The following ADARB2 variants were observed in gnomAD, a reference collection of about 807,000 sequenced individuals.
ADARB2 encodes inactive double-stranded RNA-specific editase B2.
A neutral mutation model predicts 62.2 loss-of-function variants in ADARB2; 25 were observed. The ratio of observed to expected loss-of-function variants is 0.40; its 90% confidence interval spans 0.29 to 0.56. The LOEUF (loss-of-function observed/expected upper bound fraction) is 0.56, where lower values mean the gene tolerates loss of function less well. Among genes scored for constraint, ADARB2 ranks in the 20% least tolerant of loss-of-function variants. ADARB2 has a pLI of 0.43. For synonymous variants in ADARB2, 572 were observed against 500.8 expected (o/e 1.14, Z -1.90); for missense variants, 1,071 against 1,077.4 (o/e 0.99, Z 0.08).
chr10:1,429,977 G>C (rs1830763574), intron 1 of ADARB2, among the ~76,000 whole-genome samples: 1 of 152,066 alleles, frequency 6.6e-6, no homozygotes, highest in Non-Finnish European at 1.5e-5. Flanking sequence ...AATAACAGAA[G>C]AAGGCTTAGG....
At chr10:1,475,135 G>A (rs928326478) in intron 1 of ADARB2, among the ~76,000 whole-genome samples, 12 of 152,302 alleles carry the variant, frequency 7.9e-5, no homozygotes, top group African/African-American at 2.9e-4. Flanking sequence ...TCAGTCAGCA[G>A]GAGGACCCCC....
chr10:1,579,550 T>C (rs2813382), intron 1 of ADARB2, among the ~76,000 whole-genome samples: 4 of 152,070 alleles, frequency 2.6e-5, no homozygotes, highest in Non-Finnish European at 5.9e-5. Context: ...AGTCAAGGGG[T>C]GGAAGGGACT....
chr10:1,431,341 T>C (rs914171096), intron 1 of ADARB2, among the ~76,000 whole-genome samples: 6 of 152,174 alleles, frequency 3.9e-5, no homozygotes, highest in African/African-American at 1.4e-4. Context: ...ATAACCCATG[T>C]ATCAGAGAAA....
intron 3 of ADARB2, among the ~76,000 whole-genome samples, chr10:1,356,043 G>A (rs1832192095): frequency 6.6e-6 from 1 of 152,162 alleles, no homozygotes; most frequent in Non-Finnish European, 1.5e-5. Flanking sequence ...GCCTCATTAA[G>A]GAAGGATTTT....
chr10:1,342,421 A>G (rs2131839622), intron 3 of ADARB2, among the ~76,000 whole-genome samples: 1 of 152,316 alleles, frequency 6.6e-6, no homozygotes, highest in South Asian at 2.1e-4. Flanking sequence ...ACATTACAGC[A>G]TCGAGAAACA....
intron 1 of ADARB2, among the ~76,000 whole-genome samples, chr10:1,513,198 T>C (rs1307323876): frequency 1.3e-5 from 2 of 152,196 alleles, no homozygotes; most frequent in East Asian, 3.9e-4. Context: ...ATATATACAA[T>C]AACAGTAAAT....
intron 6 of ADARB2, among the ~76,000 whole-genome samples, chr10:1,219,041 C>A (rs1361823752): frequency 9.0e-6 from 1 of 111,438 alleles, no homozygotes; most frequent in African/African-American, 3.8e-5. Flanking sequence ...CAGAGCAAGA[C>A]TACGTCTCAA....
intron 1 of ADARB2, among the ~76,000 whole-genome samples, chr10:1,604,087 G>A (rs1172835400): frequency 6.6e-6 from 1 of 152,188 alleles, no homozygotes; most frequent in African/African-American, 2.4e-5. Context: ...TTACAGGCAT[G>A]AGCCACTGCC....
intron 3 of ADARB2, among the ~76,000 whole-genome samples, chr10:1,301,121 C>T (rs953462827): frequency 2.6e-5 from 4 of 152,290 alleles, no homozygotes; most frequent in South Asian, 2.1e-4. Context: ...TGAGGAATTA[C>T]GGAACGCTTT....
chr10:1,283,686 A>G (rs1225360117), intron 3 of ADARB2, among the ~76,000 whole-genome samples: 1 of 152,070 alleles, frequency 6.6e-6, no homozygotes, highest in Admixed American at 6.5e-5. Flanking sequence ...TGAGCAGTGG[A>G]GTGTTGTCCA....
At chr10:1,509,736 C>T (rs778224494) in intron 1 of ADARB2, among the ~76,000 whole-genome samples, 1 of 152,180 alleles carries the variant, frequency 6.6e-6, no homozygotes, top group Non-Finnish European at 1.5e-5. Context: ...TGCTCAAATC[C>T]AAATTAAGCT....
At chr10:1,226,638 C>G (rs937931697) in intron 6 of ADARB2, among the ~76,000 whole-genome samples, 4 of 152,346 alleles carry the variant, frequency 2.6e-5, no homozygotes, top group African/African-American at 7.2e-5. Flanking sequence ...AGTCAGGACC[C>G]TCAGCTGCAG....
At chr10:1,653,575 T>TCGTGTGCCTG (rs1475495016) in intron 1 of ADARB2, among the ~76,000 whole-genome samples, 45 of 144,354 alleles carry the variant, frequency 3.1e-4, no homozygotes, top group Middle Eastern at 3.7e-3. Context: ...ACCCCACGCC[T>TCGTGTGCCTG]CATGTGCCTG....
intron 1 of ADARB2, among the ~76,000 whole-genome samples, chr10:1,523,075 C>T (rs974458329): frequency 2.0e-5 from 3 of 152,170 alleles, no homozygotes; most frequent in Non-Finnish European, 4.4e-5. Flanking sequence ...TAGAAGAGCA[C>T]CGACTCACGT....
At chr10:1,424,065 G>GGGACCACTATGTATGCAGTA in intron 1 of ADARB2, among the ~76,000 whole-genome samples, 1 of 139,022 alleles carries the variant, frequency 7.2e-6, no homozygotes, top group Non-Finnish European at 1.6e-5. Flanking sequence ...TGTATGCAGT[G>GGGACCACTATGTATGCAGTA]GGACCACTAT....
In ADARB2 at chr10:1,737,115, T is replaced by A. The variant is rs765750451; in HGVS notation, c.36A>T (p.Gly12=). 6.2e-7 allele frequency: 1 copy of A among 1,610,750 alleles called. No individual in the cohort carries two copies. The highest frequency in any genetic ancestry group is 8.5e-7 in the Non-Finnish European group (1 of 1,179,892). Residue 12 remains glycine (G), a synonymous_variant, in exon 1 of 10, where the codon GGA becomes GGT. Coordinates refer to ENST00000381312, the MANE Select transcript of ADARB2 (RefSeq NM_018702.4). ...TGCATTTGAGTTGACTGCTCAGCCC[T>A]CCAGACCCTCTGCCGCTCCCCAGGA... ...ASVLGSGRGS[G]GLSSQLKCKS...
chr10:1,283,920 C>T (rs1397383735), intron 3 of ADARB2, among the ~76,000 whole-genome samples: 1 of 152,162 alleles, frequency 6.6e-6, no homozygotes, highest in Non-Finnish European at 1.5e-5. Flanking sequence ...TAGTAGAAGC[C>T]ATAGCCTGAA....
At chr10:1,369,516 A>C (rs1832346969) in intron 2 of ADARB2, among the ~76,000 whole-genome samples, 1 of 152,210 alleles carries the variant, frequency 6.6e-6, no homozygotes, top group African/African-American at 2.4e-5. Flanking sequence ...GCTGGCCAGC[A>C]GGGAAGATGA....
chr10:1,234,213 T>G (rs1830840959), intron 5 of ADARB2, among the ~76,000 whole-genome samples: 1 of 151,946 alleles, frequency 6.6e-6, no homozygotes. Context: ...TGTCTTGAAC[T>G]CCCAGCCTCA....
Sources: allele counts gnomAD v4.1 joint callset (sites outside exome capture counted in the v4.1 genomes callset), GRCh38; gene constraint gnomAD v4.1.1; transcripts MANE v1.5; gene names NCBI Gene and HGNC (gene_info 2026-07-23, HGNC 2026-07-21).